Variants in ADGRL3 observed in about 807,000 individuals in gnomAD.
ADGRL3 encodes calcium-independent alpha-latrotoxin receptor 3.
Under a neutral mutation model 153.5 loss-of-function variants are expected in ADGRL3, and 62 were observed. The observed-to-expected ratio is 0.40, with a 90% CI of 0.33 to 0.50. The LOEUF is 0.50. ADGRL3 is among the 20% of genes least tolerant of loss of function. The pLI is 0.47. For synonymous variants in ADGRL3, 710 were observed against 672.5 expected (o/e 1.06, Z -0.86); for missense variants, 1,641 against 1,859.4 (o/e 0.88, Z 2.16).
intron 13 of ADGRL3, among the ~76,000 whole-genome samples, chr4:61,934,281 G>A (rs2098829394): frequency 6.6e-6 from 1 of 152,112 alleles, no homozygotes; most frequent in Admixed American, 6.6e-5. Context: ...CAAAGCCCCT[G>A]GGAGTATGTA....
intron 1 of ADGRL3, among the ~76,000 whole-genome samples, chr4:61,360,114 T>C: frequency 6.6e-6 from 1 of 152,160 alleles, no homozygotes; most frequent in East Asian, 1.9e-4. Context: ...CTTTCTCTCA[T>C]TCAATAGAAT....
chr4:61,457,897 G>GATAGATAGATAGATAT (rs1304091102), intron 2 of ADGRL3, among the ~76,000 whole-genome samples: 1 of 151,178 alleles, frequency 6.6e-6, no homozygotes, highest in Non-Finnish European at 1.5e-5. Flanking sequence ...TAGATAGATA[G>GATAGATAGATAGATAT]ATAGATGCAG....
intron 1 of ADGRL3, among the ~76,000 whole-genome samples, chr4:61,379,755 G>A (rs1224784671): frequency 6.6e-6 from 1 of 151,950 alleles, no homozygotes; most frequent in Non-Finnish European, 1.5e-5. Context: ...GGGATTCCTG[G>A]AATCTTATTT....
chr4:61,605,602 T>G (rs998063548), intron 5 of ADGRL3, among the ~76,000 whole-genome samples: 1 of 152,206 alleles, frequency 6.6e-6, no homozygotes. Flanking sequence ...GGGATACAAG[T>G]AAATTATGTA....
chr4:61,427,784 C>T (rs369836692), intron 2 of ADGRL3: 1 of 152,684 alleles, frequency 6.5e-6, no homozygotes, highest in Admixed American at 6.5e-5. Flanking sequence ...GATCTCCAGG[C>T]GCTCTGCTTG....
chr4:61,802,387 C>T (rs558539490), intron 8 of ADGRL3, among the ~76,000 whole-genome samples: 2 of 152,170 alleles, frequency 1.3e-5, no homozygotes, highest in South Asian at 4.1e-4. Context: ...GTTCATGTTC[C>T]ACTATAAAGG....
At chr4:61,544,624 A>G (rs2098705486) in intron 4 of ADGRL3, among the ~76,000 whole-genome samples, 3 of 152,214 alleles carry the variant, frequency 2.0e-5, no homozygotes, top group African/African-American at 7.2e-5. Flanking sequence ...TTTACCCAGT[A>G]TCAAAAATAT....
At chr4:61,444,782 G>C (rs2152488257) in intron 2 of ADGRL3, among the ~76,000 whole-genome samples, 1 of 152,338 alleles carries the variant, frequency 6.6e-6, no homozygotes, top group South Asian at 2.1e-4. Flanking sequence ...GCTGGGCACA[G>C]TGGCTCATGC....
chr4:61,500,015 T>TACAC (rs1307550119), intron 3 of ADGRL3, among the ~76,000 whole-genome samples: 56 of 81,276 alleles, frequency 6.9e-4, no homozygotes, highest in Middle Eastern at 7.8e-3. Flanking sequence ...CACACACACA[T>TACAC]ACACACACAG....
chr4:61,841,409 T>G (rs1379213831), intron 9 of ADGRL3, among the ~76,000 whole-genome samples: 1 of 152,170 alleles, frequency 6.6e-6, no homozygotes, highest in Admixed American at 6.6e-5. Context: ...TACAGTAGCT[T>G]GTACCCGGGA....
intron 9 of ADGRL3, among the ~76,000 whole-genome samples, chr4:61,883,567 AG>A (rs1267951688): frequency 2.0e-5 from 3 of 152,210 alleles, no homozygotes; most frequent in African/African-American, 7.2e-5. Flanking sequence ...AGGCACAGAG[AG>A]GCATTACAAT....
rs77982786 is a variant in ADGRL3 at position 61,374,462 on chromosome 4, A to G, written c.-239-8662A>G. Among the ~76,000 whole-genome samples the G allele has an allele frequency of 2.6e-3, 391 of 152,046 alleles. 1 individual carries two copies. Among genetic ancestry groups the G allele is most frequent in the Non-Finnish European group, 4.6e-3 (313 of 67,972 alleles). ...GTTTTCTGATTCAGGCTTGTAAGTT[A>G]CATTGGTTTGATTTCCAGATGTTGG... is the stretch of plus-strand genomic sequence containing the variant. On this transcript the variant is annotated intron_variant, in intron 1 of 26. Coordinates refer to ENST00000683033, the MANE Select transcript of ADGRL3 (RefSeq NM_001387552.1).
chr4:61,351,413 T>C (rs1188099494), intron 1 of ADGRL3, among the ~76,000 whole-genome samples: 1 of 152,218 alleles, frequency 6.6e-6, no homozygotes, highest in East Asian at 1.9e-4. Flanking sequence ...AGATCATTGA[T>C]GAAGGTGGCT....
intron 1 of ADGRL3, among the ~76,000 whole-genome samples, chr4:61,254,295 T>C (rs899581294): frequency 6.6e-6 from 1 of 152,152 alleles, no homozygotes; most frequent in Admixed American, 6.6e-5. Flanking sequence ...AGAAGCCTCA[T>C]GGGTCAGGTA....
intron 8 of ADGRL3, among the ~76,000 whole-genome samples, chr4:61,768,336 C>A (rs943884527): frequency 6.6e-6 from 1 of 150,498 alleles, no homozygotes. Context: ...CTTGGCCTGT[C>A]GAGGAGGGGA....
chr4:61,832,717 C>T (rs1001688007), intron 9 of ADGRL3, among the ~76,000 whole-genome samples: 7 of 152,124 alleles, frequency 4.6e-5, no homozygotes, highest in Non-Finnish European at 1.0e-4. Flanking sequence ...GCTTAATCAT[C>T]TGAAACCTTG....
At position 61,392,701 on chromosome 4, in the gene ADGRL3, A is replaced by AAAAAAAAAG. The variant is rs1560565637; in HGVS notation, c.-174+9517_-174+9518insAAAGAAAAA. On this transcript the variant is annotated intron_variant, in intron 2 of 26. Transcript: ENST00000683033. ...CTCCATCTCAAAAAAAAAAAAAAAA[A>AAAAAAAAAG]AAAAAGAAAAAGGAAAATAAAGAAA... Among the ~76,000 whole-genome samples, 114 of 146,372 alleles carry AAAAAAAAAG rather than the reference A, an allele frequency of 7.8e-4. 1 individual carries two copies. The highest frequency in any genetic ancestry group is 2.7e-3 in the African/African-American group (108 of 40,358).
intron 8 of ADGRL3, among the ~76,000 whole-genome samples, chr4:61,753,797 T>TA (rs2152083549): frequency 1.3e-5 from 2 of 152,338 alleles, no homozygotes; most frequent in South Asian, 4.1e-4. Flanking sequence ...TTTTCCTCAT[T>TA]ATTTACATTA....
At chr4:61,860,393 A>C (rs1185288975) in intron 9 of ADGRL3, among the ~76,000 whole-genome samples, 1 of 152,090 alleles carries the variant, frequency 6.6e-6, no homozygotes, top group Admixed American at 6.6e-5. Context: ...AAATCAAATT[A>C]TCAGAGTTGG....
Sources: allele counts gnomAD v4.1 joint callset (sites outside exome capture counted in the v4.1 genomes callset), GRCh38; gene constraint gnomAD v4.1.1; transcripts MANE v1.5; gene names NCBI Gene and HGNC (gene_info 2026-07-23, HGNC 2026-07-21).